Variants in MICAL2 observed in about 807,000 individuals in gnomAD.
MICAL2 encodes the protein microtubule associated monooxygenase, calponin and LIM domain containing 2.
Under a neutral mutation model 127.3 loss-of-function variants are expected in MICAL2, and 77 were observed. The observed-to-expected ratio is 0.60, with a 90% CI of 0.50 to 0.73. The LOEUF (loss-of-function observed/expected upper bound fraction) is 0.73, where lower values mean the gene tolerates loss of function less well. Among genes scored for constraint, MICAL2 ranks in the 30% least tolerant of loss-of-function variants. The pLI is 0.00. For missense variants in MICAL2, 1,351 were observed against 1,434.4 expected, an observed-to-expected ratio of 0.94 and a Z score of 0.94; for synonymous variants, 570 against 551.1, an observed-to-expected ratio of 1.03 and a Z score of -0.48.
At chr11:12,189,729 C>G (rs965393901) in intron 3 of MICAL2, among the ~76,000 whole-genome samples, 2 of 152,190 alleles carry the variant, frequency 1.3e-5, no homozygotes, top group Non-Finnish European at 2.9e-5. Context: ...CCGCAGGCAG[C>G]CTGAGCCAGC....
At chr11:12,331,749 C>G (rs1270217348) in intron 32 of MICAL2, among the ~76,000 whole-genome samples, 1 of 152,144 alleles carries the variant, frequency 6.6e-6, no homozygotes, top group African/African-American at 2.4e-5. Context: ...ACCAACCTCA[C>G]AGAGGTGGTA....
At chr11:12,111,886 C>A (rs79721989) in intron 1 of MICAL2, among the ~76,000 whole-genome samples, 2 of 152,198 alleles carry the variant, frequency 1.3e-5, no homozygotes, top group African/African-American at 2.4e-5. Flanking sequence ...AGTGGGCCTC[C>A]GGTCTCCAGG....
intron 2 of MICAL2, among the ~76,000 whole-genome samples, chr11:12,141,254 A>T (rs752841693): frequency 6.6e-6 from 1 of 152,142 alleles, no homozygotes; most frequent in Non-Finnish European, 1.5e-5. Context: ...CAGCTTAGCT[A>T]TGTGGCCTTG....
intron 18 of MICAL2, among the ~76,000 whole-genome samples, chr11:12,241,739 G>A (rs1279251156): frequency 6.6e-6 from 1 of 152,248 alleles, no homozygotes; most frequent in African/African-American, 2.4e-5. Context: ...TGTCTGGTCA[G>A]CATTAGGATT....
At chr11:12,204,202 G>A (rs371562803) in intron 3 of MICAL2, 48 bp from the exon 4 acceptor site, 2 of 1,571,442 alleles carry the variant, frequency 1.3e-6, no homozygotes, top group Admixed American at 1.7e-5. Flanking sequence ...GTTCGTGTCT[G>A]TGATGCTAGA....
At chr11:12,325,464 C>T (rs1396993321) in intron 31 of MICAL2, among the ~76,000 whole-genome samples, 1 of 152,168 alleles carries the variant, frequency 6.6e-6, no homozygotes, top group Non-Finnish European at 1.5e-5. Context: ...GCTGCCATAA[C>T]AAAGTACCAC....
At chr11:12,294,846 C>T (rs1003866336), downstream of MICAL2, 7 of 1,508,880 alleles carry the variant, frequency 4.6e-6, no homozygotes, top group Non-Finnish European at 5.3e-6. Context: ...CCTCCTACAG[C>T]GGGAGGTGCA....
At chr11:12,115,049 G>A (rs1269247687) in intron 1 of MICAL2, among the ~76,000 whole-genome samples, 1 of 152,244 alleles carries the variant, frequency 6.6e-6, no homozygotes, top group East Asian at 1.9e-4. Flanking sequence ...TCTCTGGACA[G>A]TGCTGCTTCT....
intron 2 of MICAL2, among the ~76,000 whole-genome samples, chr11:12,282,395 A>G (rs1271451794): frequency 6.6e-6 from 1 of 152,088 alleles, no homozygotes; most frequent in Non-Finnish European, 1.5e-5. Flanking sequence ...CCCCATTTCC[A>G]GATATGAAGT....
chr11:12,192,372 C>T (rs1219807422), intron 3 of MICAL2, among the ~76,000 whole-genome samples: 4 of 152,210 alleles, frequency 2.6e-5, no homozygotes, highest in African/African-American at 9.7e-5. Context: ...TCAAGCGATG[C>T]AAACTGCCAT....
At chr11:12,183,191 C>A (rs1476065685) in intron 3 of MICAL2, among the ~76,000 whole-genome samples, 2 of 149,540 alleles carry the variant, frequency 1.3e-5, no homozygotes, top group African/African-American at 4.9e-5. Flanking sequence ...TTTTTTAAAT[C>A]CTGAATCAGA....
chr11:12,338,510 G>C (rs1938805776), intron 32 of MICAL2, among the ~76,000 whole-genome samples: 1 of 152,148 alleles, frequency 6.6e-6, no homozygotes, highest in Admixed American at 6.5e-5. Context: ...ATGTTAGCTG[G>C]TTATTTTGCT....
chr11:12,208,341 A>G (rs2134159491), intron 5 of MICAL2: 2 of 504,352 alleles, frequency 4.0e-6, no homozygotes, highest in East Asian at 7.0e-5. Flanking sequence ...GGGATTTATG[A>G]TTAAGCCATT....
At chr11:12,237,760 C>CA (rs1278982165) in intron 16 of MICAL2, among the ~76,000 whole-genome samples, 1 of 152,246 alleles carries the variant, frequency 6.6e-6, no homozygotes, top group African/African-American at 2.4e-5. Flanking sequence ...GGAGCAGCAG[C>CA]AGCAGCTGGG....
chr11:12,226,468 G>A (rs1857463408), intron 14 of MICAL2, 98 bp downstream of exon 14: 1 of 1,262,028 alleles, frequency 7.9e-7, no homozygotes, highest in Non-Finnish European at 1.1e-6. Flanking sequence ...CTGTTCTGGG[G>A]CTGCCCAGTG....
intron 1 of MICAL2, among the ~76,000 whole-genome samples, chr11:12,116,351 AT>A (rs56280931): frequency 0.35 from 36,931 of 105,672 alleles, 6,694 homozygotes; most frequent in African/African-American, 0.41. Context: ...CTTGATTTTG[AT>A]TTTTTTTTTT....
intron 32 of MICAL2, among the ~76,000 whole-genome samples, chr11:12,342,060 C>T (rs1168695140): frequency 2.0e-5 from 3 of 152,154 alleles, no homozygotes; most frequent in Non-Finnish European, 2.9e-5. Flanking sequence ...ACTTACATTT[C>T]GCACAGGAAA....
chr11:12,337,787 G>A (rs1000141321), intron 32 of MICAL2, among the ~76,000 whole-genome samples: 3 of 152,102 alleles, frequency 2.0e-5, no homozygotes, highest in African/African-American at 7.2e-5. Flanking sequence ...TTAATCCTGA[G>A]TTCTAGTTTG....
chr11:12,219,086 C>A (rs953929184), intron 8 of MICAL2, among the ~76,000 whole-genome samples: 7 of 152,152 alleles, frequency 4.6e-5, no homozygotes, highest in Non-Finnish European at 1.0e-4. Flanking sequence ...AAATAACTGG[C>A]CCAGATTTAG....
Sources: gnomAD v4.1 joint callset for allele counts (sites outside exome capture counted in the v4.1 genomes callset) on GRCh38, gnomAD v4.1.1 for gene constraint, MANE v1.5 for transcripts, NCBI Gene and HGNC (gene_info 2026-07-23, HGNC 2026-07-21) for gene names.